The following VWF variants were observed in gnomAD, a reference collection of about 807,000 sequenced individuals.
The protein encoded by VWF is Factor VIII related antigen.
VWF carries 176 observed loss-of-function variants against 308.6 expected under a neutral mutation model. The ratio of observed to expected loss-of-function variants is 0.57; its 90% CI spans 0.50 to 0.65. The LOEUF (loss-of-function observed/expected upper bound fraction) is 0.65, where lower values mean the gene tolerates loss of function less well. Among genes scored for constraint, VWF ranks in the 30% least tolerant of loss-of-function variants. The pLI is 0.00. For synonymous variants in VWF, 1,385 were observed against 1,443.4 expected, an observed-to-expected ratio of 0.96 and a Z score of 0.92; for missense variants, 3,146 against 3,648.2, an observed-to-expected ratio of 0.86 and a Z score of 3.55.
At chr12:5,971,509 G>C (rs541099106) in intron 44 of VWF, 90 bp downstream of exon 44, 1 of 1,065,192 alleles carries the variant, frequency 9.4e-7, no homozygotes, top group African/African-American at 1.6e-5. Context: ...GGAAAGCAAA[G>C]GGCAGGGAAT....
At chr12:5,949,236 C>A (rs1220515309) in intron 51 of VWF, 33 bp from the exon 52 acceptor site, 1 of 1,608,640 alleles carries the variant, frequency 6.2e-7, no homozygotes, top group Admixed American at 1.7e-5. Context: ...GGGAGCTTCA[C>A]AATGGTGGGA....
chr12:6,036,609 G>T, intron 18 of VWF, 118 bp from the exon 19 acceptor site: 1 of 949,916 alleles, frequency 1.1e-6, no homozygotes, highest in East Asian at 2.6e-5. Context: ...CCAGCACTGG[G>T]ACTGGCACCA....
At chr12:6,088,835 GC>G (rs1945001864) in intron 6 of VWF, among the ~76,000 whole-genome samples, 1 of 152,236 alleles carries the variant, frequency 6.6e-6, no homozygotes, top group Non-Finnish European at 1.5e-5. Flanking sequence ...AAATTTGCAT[GC>G]AATCAAACAA....
intron 50 of VWF, among the ~76,000 whole-genome samples, chr12:5,950,337 G>GGT (rs1943172025): frequency 6.6e-6 from 1 of 152,082 alleles, no homozygotes; most frequent in Non-Finnish European, 1.5e-5. Flanking sequence ...TGATGTAAGG[G>GGT]CATACCCTGC....
intron 3 of VWF, among the ~76,000 whole-genome samples, chr12:6,119,614 G>A (rs1945408390): frequency 6.6e-6 from 1 of 152,204 alleles, no homozygotes; most frequent in African/African-American, 2.4e-5. Flanking sequence ...GGGAGGCTGA[G>A]GCGGGTGGAT....
chr12:5,989,435 G>A (rs956040544), intron 38 of VWF, among the ~76,000 whole-genome samples: 9 of 152,160 alleles, frequency 5.9e-5, no homozygotes, highest in Non-Finnish European at 1.3e-4. Flanking sequence ...GAAAGTCAAA[G>A]TTGAAAATGC....
chr12:6,052,667 A>G lies in VWF; in HGVS notation c.2062T>C (p.Phe688Leu), dbSNP rs759864277. Residue 688 changes from phenylalanine to leucine, a missense_variant, in exon 16 of 52, where the codon TTC (phenylalanine) becomes CTC (leucine). Around this residue, in one of 3 missense-constraint regions of VWF, gnomAD observed 1,304 missense variants for 1,353.0 expected, o/e 0.96. Coordinates refer to ENST00000261405, the MANE Select transcript of VWF (RefSeq NM_000552.5). ...TCCATGTAGAGCCCTGGGGGGCAGAAGCAGCCCTCCAGGCAGGCCTCATTG... is the reference window on the plus strand; with the variant it reads ...TCCATGTAGAGCCCTGGGGGGCAGAGGCAGCCCTCCAGGCAGGCCTCATTG... ...ECNEACLEGC[F>L]CPPGLYMDER... 1 of 1,614,242 alleles carries G rather than the reference A, an allele frequency of 6.2e-7. No homozygotes were observed. Among genetic ancestry groups the G allele is most frequent in the South Asian group, 1.1e-5 (1 of 91,084 alleles).
chr12:6,043,561 G>A (rs7308002), intron 18 of VWF, among the ~76,000 whole-genome samples: 59,952 of 151,908 alleles, frequency 0.39, 13,126 homozygotes, highest in African/African-American at 0.58. Context: ...GGATGTATGC[G>A]TAATCTATTT....
chr12:5,964,788 A>C (rs1943380272), intron 47 of VWF, among the ~76,000 whole-genome samples: 1 of 152,228 alleles, frequency 6.6e-6, no homozygotes, highest in African/African-American at 2.4e-5. Context: ...GGCAGAGGGC[A>C]AAGTTAGGCC....
chr12:6,086,901 CTG>C (rs1944978665), intron 6 of VWF, among the ~76,000 whole-genome samples: 1 of 152,124 alleles, frequency 6.6e-6, no homozygotes, highest in South Asian at 2.1e-4. Flanking sequence ...GTCAACATGA[CTG>C]TTTAAAATGT....
chr12:6,030,587 C>T (rs531921124), intron 21 of VWF, among the ~76,000 whole-genome samples: 1 of 152,184 alleles, frequency 6.6e-6, no homozygotes, highest in Admixed American at 6.5e-5. Context: ...CTGGGCCCCA[C>T]CCAGACCTAC....
In VWF at chr12:5,948,877, T is replaced by C; in HGVS notation, c.*138A>G. The C allele has an allele frequency of 9.3e-7, 1 of 1,080,346 alleles. No homozygotes were observed. Among genetic ancestry groups the C allele is most frequent in the Non-Finnish European group, 1.4e-6 (1 of 730,722 alleles). The allele number at this position is 1,080,346 out of a possible 1,614,324, so 66.9% of individuals were successfully genotyped here. On this transcript the variant is annotated 3_prime_UTR_variant, in exon 52 of 52. Coordinates refer to ENST00000261405, the MANE Select transcript of VWF (RefSeq NM_000552.5). This position sits in a 1 kb window ranked among gnomAD's most constrained non-coding sequence, Gnocchi z 4.4. Reference sequence around the variant, plus strand: ...CCTACGACACAGTGCACCAGCAGCCTTTTGCAAGATAAGAGCTCAGCCTTT... The same window carrying C: ...CCTACGACACAGTGCACCAGCAGCCCTTTGCAAGATAAGAGCTCAGCCTTT...
At chr12:5,985,861 C>T (rs1591843911) in intron 38 of VWF, among the ~76,000 whole-genome samples, 196 bp from the exon 39 acceptor site, 1 of 152,208 alleles carries the variant, frequency 6.6e-6, no homozygotes, top group Non-Finnish European at 1.5e-5. Context: ...GTGGTTGCCA[C>T]ATTGCTTTGT....
intron 5 of VWF, among the ~76,000 whole-genome samples, chr12:6,105,904 G>A (rs1003397681): frequency 2.0e-5 from 3 of 151,998 alleles, no homozygotes; most frequent in Admixed American, 6.6e-5. Context: ...TTAGCTGTGC[G>A]TGGTGGCATG....
rs1944182635 is a variant in VWF at position 6,025,706 on chromosome 12, C to T, written c.3109-13G>A. 1.5e-6 allele frequency: 2 copies of T among 1,359,490 alleles called. No homozygotes were observed. The highest frequency in any genetic ancestry group is 2.1e-6 in the Non-Finnish European group (2 of 957,804). The allele number at this position is 1,359,490 out of a possible 1,614,324, so 84.2% of individuals were successfully genotyped here. A position where few individuals can be genotyped will look rare whatever the true frequency, so the allele number is the denominator to read the frequency against. On this transcript the variant is annotated splice_polypyrimidine_tract_variant and intron_variant, in intron 23 of 51. Transcript: ENST00000261405. ...AGTCCAGAGGCACCTGGGAACCAGG[C>T]AAGAGATAGGCCAGCCGTCAGCTGG...
intron 21 of VWF, among the ~76,000 whole-genome samples, chr12:6,029,799 G>A (rs1414128855): frequency 6.6e-6 from 1 of 152,146 alleles, no homozygotes; most frequent in Non-Finnish European, 1.5e-5. Context: ...TTGACAATTA[G>A]TCATTAAATA....
intron 6 of VWF, among the ~76,000 whole-genome samples, chr12:6,085,141 G>A (rs1944954718): frequency 6.6e-6 from 1 of 152,184 alleles, no homozygotes; most frequent in Admixed American, 6.5e-5. Context: ...CAGCTTCTAG[G>A]GATTAGGGCA....
chr12:6,063,047 G>C lies in VWF; in HGVS notation c.1440C>G (p.Leu480=). 2 of 1,613,228 alleles carry C rather than the reference G, an allele frequency of 1.2e-6. No homozygotes were observed. Among genetic ancestry groups the C allele is most frequent in the South Asian group, 2.2e-5 (2 of 91,044 alleles). The change falls in exon 13 of 52, where the codon CTC becomes CTG. Residue 480 remains leucine (L), a synonymous_variant. Coordinates refer to ENST00000261405, the MANE Select transcript of VWF (RefSeq NM_000552.5). The surrounding 1 kb of genome is among the most constrained non-coding windows in gnomAD (Gnocchi z 4.9). The part of the protein sequence containing the change: ...DVQLPLLKGD[L]RIQHTVTASV... ...AGGCCGTCACTGTATGCTGGATGCGGAGGTCACCTGGAACCCAGCAGGACA... is the reference window on the plus strand; with the variant it reads ...AGGCCGTCACTGTATGCTGGATGCGCAGGTCACCTGGAACCCAGCAGGACA...
chr12:5,962,385 C>T (rs917410225), intron 47 of VWF, among the ~76,000 whole-genome samples: 2 of 152,000 alleles, frequency 1.3e-5, no homozygotes, highest in Non-Finnish European at 2.9e-5. Context: ...CCAAAACAAT[C>T]TTGAAAAACA....
Sources: allele counts gnomAD v4.1 joint callset (sites outside exome capture counted in the v4.1 genomes callset), GRCh38; gene constraint gnomAD v4.1.1; regional missense constraint gnomAD v4.1.1; non-coding constraint Gnocchi (gnomAD v3.1); transcripts MANE v1.5; gene names NCBI Gene and HGNC (gene_info 2026-07-23, HGNC 2026-07-21).